The following ATE1 variants were observed in gnomAD, a reference collection of about 807,000 sequenced individuals.
ATE1 encodes arginyltransferase 1.
ATE1 carries 36 observed loss-of-function variants against 70.5 expected under a neutral mutation model. That is an observed-to-expected ratio of 0.51 (90% confidence interval 0.39 to 0.67). The LOEUF is 0.67. Ranked by LOEUF, ATE1 falls within the 30% of genes least tolerant of loss-of-function variation. The probability of loss-of-function intolerance (pLI) is 0.00; values close to 1 mark genes in which losing one functional copy is unlikely to be tolerated. For missense variants in ATE1, 593 were observed against 629.5 expected (o/e 0.94, Z 0.62); for synonymous variants, 232 against 219.3 (o/e 1.06, Z -0.51).
At chr10:121,810,331 C>G (rs745814380) in intron 10 of ATE1, among the ~76,000 whole-genome samples, 4 of 150,236 alleles carry the variant, frequency 2.7e-5, no homozygotes, top group Non-Finnish European at 5.9e-5. Context: ...AGTGCAGTGG[C>G]ACAATCTTGG....
intron 8 of ATE1, among the ~76,000 whole-genome samples, chr10:121,865,800 C>A (rs943295527): frequency 1.1e-4 from 17 of 152,236 alleles, no homozygotes; most frequent in Admixed American, 3.3e-4. Flanking sequence ...ACTCTCCACA[C>A]ATGGTCCATT....
chr10:121,819,236 C>T (rs1947685221), intron 10 of ATE1, among the ~76,000 whole-genome samples: 2 of 152,158 alleles, frequency 1.3e-5, no homozygotes, highest in South Asian at 2.1e-4. Context: ...ATGGAATGTA[C>T]TCCTTGTGGG....
chr10:121,909,568 A>G (rs1951339281), intron 5 of ATE1, among the ~76,000 whole-genome samples: 1 of 152,170 alleles, frequency 6.6e-6, no homozygotes, highest in African/African-American at 2.4e-5. Context: ...TGAGTCAGTA[A>G]TTGTTTCAAA....
intron 4 of ATE1, 28 bp from the exon 5 acceptor site, chr10:121,911,179 A>G (rs1951410251): frequency 1.9e-6 from 3 of 1,597,270 alleles, no homozygotes; most frequent in Non-Finnish European, 2.5e-6. Flanking sequence ...TTAAAAATCC[A>G]TCAGCTGGGT....
rs773221487 is a variant in ATE1, at chr10:121,743,702, C to T, written c.1535G>A (p.Arg512Gln). ...AGGTCAGTTTCTGAACAGCAGCATC[C>T]GCTCGGAGCACTTCTGCCCCACCAG... ...ASLVGQKCSERMLLFRN is the reference protein window; with the variant it reads ...ASLVGQKCSEQMLLFRN Residue 512 changes from arginine (R) to glutamine (Q), a missense_variant, in exon 12 of 12, where the codon CGG (arginine) becomes CAG (glutamine). This residue lies in a region of ATE1 where 90 missense variants were observed against 93.7 expected (regional missense o/e 0.96). Transcript: ENST00000224652. 9.9e-6 allele frequency: 16 copies of T among 1,611,450 alleles called. No homozygotes were observed. The East Asian group carries it at 1.1e-4, about 11-fold the overall frequency.
At chr10:121,803,830 T>C (rs1250826020) in intron 10 of ATE1, among the ~76,000 whole-genome samples, 1 of 152,238 alleles carries the variant, frequency 6.6e-6, no homozygotes, top group Non-Finnish European at 1.5e-5. Context: ...AGCTTTAACC[T>C]CATATTTATC....
chr10:121,927,341 C>CT lies in ATE1; in HGVS notation c.106+502dup, dbSNP rs199889526. ...AGTTTCTTGTCCTTTTTTTTTTTAA[C>CT]TTTTTTTTTTTTTAACCCAGAGATG... On this transcript the variant is annotated intron_variant, in intron 1 of 11. Coordinates refer to ENST00000224652, the MANE Select transcript of ATE1 (RefSeq NM_001001976.3). 8,846 of 759,190 alleles carry CT rather than the reference C, an allele frequency of 0.012. 135 individuals are homozygous for CT. The East Asian group carries it at 0.13, about 11-fold the overall frequency. 47.0% of individuals were successfully genotyped at this position (759,190 alleles called of 1,614,324 possible). A position where few individuals can be genotyped will look rare whatever the true frequency, so the allele number is the denominator to read the frequency against.
chr10:121,870,317 T>C (rs1184045696), intron 7 of ATE1, among the ~76,000 whole-genome samples: 2 of 152,224 alleles, frequency 1.3e-5, no homozygotes, highest in Non-Finnish European at 1.5e-5. Flanking sequence ...AAATATTTTG[T>C]TTAAATTTTA....
rs369118877 is a variant in ATE1 at position 121,775,837 on chromosome 10, ATC to A, written c.1378+14330_1378+14331del. On this transcript the variant is annotated intron_variant, in intron 11 of 11. Transcript: ENST00000224652. ...TCAGGTCCACAGCCTGGATGCATCT[ATC>A]TGTCATTCAGCAAAGAACTGTCTCT... Among the ~76,000 whole-genome samples the A allele has an allele frequency of 3.7e-3, 563 of 152,304 alleles. 5 individuals carry two copies. The highest frequency in any genetic ancestry group is 0.013 in the African/African-American group (542 of 41,570).
At chr10:121,786,175 C>T (rs1256679678) in intron 11 of ATE1, among the ~76,000 whole-genome samples, 1 of 135,052 alleles carries the variant, frequency 7.4e-6, no homozygotes, top group East Asian at 2.4e-4. Context: ...TAGGATAGTG[C>T]TTGGGAAACA....
chr10:121,740,532 TTA>T lies in ATE1; in HGVS notation c.*3146_*3147del, dbSNP rs1460058431. On this transcript the variant is annotated 3_prime_UTR_variant, in exon 12 of 12. Coordinates refer to ENST00000224652, the MANE Select transcript of ATE1 (RefSeq NM_001001976.3). ...CACATGCAGTCAAACTTCTTTTGCC[TTA>T]TAGTCATTGGCTTTCTTTTAGAAAA... is the stretch of plus-strand genomic sequence containing the variant. 1.3e-5 allele frequency: 2 copies of T among 152,236 alleles called. No individual in the cohort carries two copies. The highest frequency in any genetic ancestry group is 4.8e-5 in the African/African-American group (2 of 41,464). The allele number at this position is 152,236 out of a possible 1,614,324, so 9.4% of individuals were successfully genotyped here.
In ATE1 at chr10:121,786,762, A is replaced by G. The variant is rs1946231855; in HGVS notation, c.1378+3407T>C. Among the ~76,000 whole-genome samples, 5 of 152,216 alleles carry G rather than the reference A, an allele frequency of 3.3e-5. No homozygotes were observed. In the South Asian group the frequency reaches 1.0e-3, roughly 32 times the overall value. On this transcript the variant is annotated intron_variant, in intron 11 of 11. Coordinates refer to ENST00000224652, the MANE Select transcript of ATE1 (RefSeq NM_001001976.3). ...AGCAAGTTTCTACCTTATCAAAAGT[A>G]AGAAGTAACACAAAGTATTAAGTAA...
Position 121,847,734 on chromosome 10 carries a change from G to A in ATE1, c.976-6471C>T, listed in dbSNP as rs1179954096. On this transcript the variant is annotated intron_variant, in intron 8 of 11. Coordinates refer to ENST00000224652, the MANE Select transcript of ATE1 (RefSeq NM_001001976.3). ...GATCACGCCACTGCACTCCAGCCTG[G>A]GGACAGAGCGAGACTCTGTCTCAAA... is the stretch of plus-strand genomic sequence containing the variant. Among the ~76,000 whole-genome samples the A allele has an allele frequency of 5.6e-5, 8 of 142,054 alleles. No homozygotes were observed. In the East Asian group the frequency reaches 1.4e-3, roughly 25 times the overall value. The allele number at this position is 142,054 out of a possible 152,430, so 93.2% of individuals were successfully genotyped here. A position where few individuals can be genotyped will look rare whatever the true frequency, so the allele number is the denominator to read the frequency against.
Position 121,875,474 on chromosome 10 carries a change from C to T in ATE1, c.943-5436G>A, listed in dbSNP as rs182781284. Among the ~76,000 whole-genome samples the T allele has an allele frequency of 6.2e-3, 935 of 151,700 alleles. 23 individuals carry two copies. The highest frequency in any genetic ancestry group is 0.021 in the African/African-American group (886 of 41,416). ...CGCCCACCACCACGCCTGGCTAATT[C>T]TTGTATTTTTAGTAGAGACGGGGTT... On this transcript the variant is annotated intron_variant, in intron 7 of 11. Transcript: ENST00000224652.
At chr10:121,921,853 G>C (rs1951895746) in intron 3 of ATE1, among the ~76,000 whole-genome samples, 2 of 152,128 alleles carry the variant, frequency 1.3e-5, no homozygotes, top group Non-Finnish European at 2.9e-5. Context: ...GGGCCTAAGT[G>C]CACTCAATAA....
chr10:121,827,198 G>A (rs996742885), intron 10 of ATE1, among the ~76,000 whole-genome samples: 2 of 152,044 alleles, frequency 1.3e-5, no homozygotes, highest in African/African-American at 4.8e-5. Flanking sequence ...ACTTTTAGTA[G>A]AGACGGGGTT....
intron 11 of ATE1, among the ~76,000 whole-genome samples, chr10:121,782,217 T>A (rs1946023513): frequency 6.6e-6 from 1 of 152,248 alleles, no homozygotes; most frequent in East Asian, 1.9e-4. Context: ...TATCAAATTA[T>A]GTGGTTTCCA....
intron 11 of ATE1, among the ~76,000 whole-genome samples, chr10:121,778,230 A>G (rs1945826467): frequency 6.6e-6 from 1 of 152,182 alleles, no homozygotes; most frequent in South Asian, 2.1e-4. Flanking sequence ...GTGTCTTTCC[A>G]TTGTAGGCTG....
intron 7 of ATE1, among the ~76,000 whole-genome samples, chr10:121,884,897 C>T (rs1268304546): frequency 6.6e-6 from 1 of 151,990 alleles, no homozygotes; most frequent in African/African-American, 2.4e-5. Flanking sequence ...AAACTGGCTT[C>T]CTTAATTGAA....
Sources: allele counts gnomAD v4.1 joint callset (sites outside exome capture counted in the v4.1 genomes callset), GRCh38; gene constraint gnomAD v4.1.1; regional missense constraint gnomAD v4.1.1; transcripts MANE v1.5; gene names NCBI Gene and HGNC (gene_info 2026-07-23, HGNC 2026-07-21).